The following NUP210L variants were observed in gnomAD, a reference collection of about 807,000 sequenced individuals.
NUP210L encodes the protein nucleoporin 210 like, also known as nuclear pore membrane glycoprotein 210-like.
In NUP210L, 74 loss-of-function variants were observed where a neutral mutation model predicts 208.5. That is an observed-to-expected ratio of 0.35 (90% CI 0.29 to 0.43). The LOEUF is 0.43. Ranked by LOEUF, NUP210L falls within the 20% of genes least tolerant of loss-of-function variation. The probability of loss-of-function intolerance (pLI) is 1.00; values close to 1 mark genes in which losing one functional copy is unlikely to be tolerated. For synonymous variants in NUP210L, 780 were observed against 816.9 expected (o/e 0.95, Z 0.77); for missense variants, 1,843 against 2,289.4 (o/e 0.81, Z 3.98).
intron 10 of NUP210L, among the ~76,000 whole-genome samples, chr1:154,123,168 G>A (rs745897386): frequency 6.6e-6 from 1 of 151,948 alleles, no homozygotes; most frequent in Non-Finnish European, 1.5e-5. Flanking sequence ...TTTTTGAGAC[G>A]GAGTTTCGCT....
chr1:154,147,881 T>C (rs1447165000), intron 2 of NUP210L, among the ~76,000 whole-genome samples: 2 of 147,634 alleles, frequency 1.4e-5, no homozygotes, highest in Non-Finnish European at 1.5e-5. Context: ...GGTCTCAAAC[T>C]CCTGACCTCG....
intron 37 of NUP210L, among the ~76,000 whole-genome samples, chr1:153,996,341 T>A (rs754138955): frequency 4.6e-5 from 7 of 152,124 alleles, no homozygotes; most frequent in Non-Finnish European, 1.0e-4. Flanking sequence ...CCCGTGCACT[T>A]TAACCCCAGG....
At chr1:154,138,546 C>T (rs1470591641) in intron 5 of NUP210L, among the ~76,000 whole-genome samples, 1 of 148,422 alleles carries the variant, frequency 6.7e-6, no homozygotes, top group Admixed American at 6.7e-5. Flanking sequence ...AATTGTAGAA[C>T]ACAGAAATTC....
chr1:154,115,797 T>C (rs1571291175), intron 12 of NUP210L, among the ~76,000 whole-genome samples: 2 of 151,476 alleles, frequency 1.3e-5, no homozygotes, highest in East Asian at 3.9e-4. Flanking sequence ...AACTATTAAG[T>C]CCTATAGAGA....
chr1:154,118,335 AAAG>A (rs1657436790), intron 11 of NUP210L, among the ~76,000 whole-genome samples: 1 of 152,094 alleles, frequency 6.6e-6, no homozygotes, highest in Admixed American at 6.6e-5. Flanking sequence ...GAAAGAAAGA[AAAG>A]AAACTGTGAC....
At chr1:154,023,492 T>A (rs1179834241) in intron 30 of NUP210L, among the ~76,000 whole-genome samples, 195 bp from the exon 31 acceptor site, 1 of 152,186 alleles carries the variant, frequency 6.6e-6, no homozygotes, top group African/African-American at 2.4e-5. Flanking sequence ...TTTCTTTTTT[T>A]TTTGAGACAG....
At chr1:154,138,342 T>C in intron 5 of NUP210L, 104 bp from the exon 6 acceptor site, 1 of 1,045,028 alleles carries the variant, frequency 9.6e-7, no homozygotes, top group Non-Finnish European at 1.3e-6. Flanking sequence ...TCTTTTAAAA[T>C]TTTTTATAAA....
intron 16 of NUP210L, among the ~76,000 whole-genome samples, chr1:154,085,376 TAAAG>T (rs930885273): frequency 2.0e-5 from 3 of 150,662 alleles, no homozygotes; most frequent in Non-Finnish European, 3.0e-5. Context: ...TAAAATAAAA[TAAAG>T]AAAAAATTCC....
Position 154,010,198 on chromosome 1 carries a change from A to C in NUP210L, c.4781-77T>G. 3 of 1,346,088 alleles carry C rather than the reference A, an allele frequency of 2.2e-6. No individual in the cohort carries two copies. The East Asian group carries it at 7.0e-5, about 31-fold the overall frequency. The allele number at this position is 1,346,088 out of a possible 1,614,324, so 83.4% of individuals were successfully genotyped here. On this transcript the variant is annotated intron_variant, in intron 34 of 39. Coordinates refer to ENST00000368559, the Ensembl canonical transcript of NUP210L. ...AAAGAGAGACCATTATATGGAGGCA[A>C]TTTTGAAGCATAAAAAAAATAAGCA...
At chr1:154,121,212 C>T (rs1657600955) in intron 10 of NUP210L, among the ~76,000 whole-genome samples, 1 of 152,146 alleles carries the variant, frequency 6.6e-6, no homozygotes. Context: ...TAAAGCTTTG[C>T]CTTCTCTATG....
chr1:154,014,574 G>A (rs11264866), intron 33 of NUP210L, among the ~76,000 whole-genome samples: 42,223 of 152,022 alleles, frequency 0.28, 6,299 homozygotes, highest in Admixed American at 0.39. Flanking sequence ...TAGTCTTCAA[G>A]CACAACATGT....
At chr1:154,075,276 T>C (rs114590819) in intron 16 of NUP210L, among the ~76,000 whole-genome samples, 1,821 of 152,246 alleles carry the variant, frequency 0.012, 44 homozygotes, top group African/African-American at 0.041. Flanking sequence ...TTAAAACATG[T>C]CTCTAAGCTC....
At chr1:154,047,629 T>C (rs1653257896) in intron 25 of NUP210L, among the ~76,000 whole-genome samples, 1 of 152,234 alleles carries the variant, frequency 6.6e-6, no homozygotes, top group African/African-American at 2.4e-5. Context: ...CATCCCTTTG[T>C]TTCATGTAAG....
chr1:154,150,004 G>A (rs1659304780), intron 2 of NUP210L, among the ~76,000 whole-genome samples: 1 of 152,148 alleles, frequency 6.6e-6, no homozygotes. Flanking sequence ...AAGGTTGGTG[G>A]ACTGCTTAAC....
chr1:154,012,195 A>G, intron 34 of NUP210L, 49 bp downstream of exon 34: 5 of 1,585,846 alleles, frequency 3.2e-6, no homozygotes, highest in Non-Finnish European at 4.3e-6. Flanking sequence ...AATTGAGGGA[A>G]AACGAGAAAG....
chr1:154,127,192 G>A (rs1443746705), intron 9 of NUP210L, 119 bp downstream of exon 9: 1 of 461,326 alleles, frequency 2.2e-6, no homozygotes, highest in African/African-American at 2.0e-5. Flanking sequence ...CTTTTCCGAA[G>A]GTAAAAATCT....
intron 10 of NUP210L, among the ~76,000 whole-genome samples, chr1:154,122,899 A>T (rs557519299): frequency 2.3e-3 from 349 of 151,794 alleles, no homozygotes; most frequent in Non-Finnish European, 4.0e-3. Flanking sequence ...CTCTACAAAA[A>T]AATTAGCTGG....
Position 154,066,854 on chromosome 1 carries a change from A to C in NUP210L, c.2554+3419T>G, listed in dbSNP as rs1571231940. On this transcript the variant is annotated intron_variant, in intron 17 of 39. Coordinates refer to ENST00000368559, the Ensembl canonical transcript of NUP210L. ...CTAGAAAATCTAGAAGAAATGGATA[A>C]ATTTCTGGACACATACACCCTCCCA... 2.0e-5 allele frequency among the ~76,000 whole-genome samples: 3 copies of C among 152,318 alleles called. No homozygotes were observed. The East Asian group carries it at 5.8e-4, about 29-fold the overall frequency.
intron 4 of NUP210L, 45 bp downstream of exon 4, chr1:154,141,386 T>C (rs1658845574): frequency 8.4e-7 from 1 of 1,195,806 alleles, no homozygotes. Flanking sequence ...TAATGGCAGA[T>C]GTCTTCTTCA....
Sources: allele counts gnomAD v4.1 joint callset (sites outside exome capture counted in the v4.1 genomes callset), GRCh38; gene constraint gnomAD v4.1.1; transcripts MANE v1.5; gene names NCBI Gene and HGNC (gene_info 2026-07-23, HGNC 2026-07-21).